The following IGSF9B variants were observed in gnomAD, a reference collection of about 807,000 sequenced individuals.
IGSF9B encodes protein turtle homolog B.
In IGSF9B, 48 loss-of-function variants were observed where a neutral mutation model predicts 143.7. The ratio of observed to expected loss-of-function variants is 0.33; its 90% CI spans 0.26 to 0.42. IGSF9B has a LOEUF of 0.42. IGSF9B is among the 20% of genes least tolerant of loss of function. The probability of loss-of-function intolerance (pLI) is 1.00; values close to 1 mark genes in which losing one functional copy is unlikely to be tolerated. For missense variants in IGSF9B, 1,706 were observed against 1,980.0 expected, an observed-to-expected ratio of 0.86 and a Z score of 2.63; for synonymous variants, 903 against 833.1, an observed-to-expected ratio of 1.08 and a Z score of -1.44.
In IGSF9B at chr11:133,901,399, G is replaced by T. The variant is rs1241231230; in HGVS notation, c.*7670C>A. 6.6e-6 allele frequency: 1 copy of T among 152,082 alleles called. No individual in the cohort carries two copies. Among genetic ancestry groups the T allele is most frequent in the African/African-American group, 2.4e-5 (1 of 41,376 alleles). 9.4% of individuals were successfully genotyped at this position (152,082 alleles called of 1,614,324 possible). A position where few individuals can be genotyped will look rare whatever the true frequency, so the allele number is the denominator to read the frequency against. ...ATAAAGCAAACTATGACTTCATATA[G>T]ATATAGAGATATATAGACTTTATCT... On this transcript the variant is annotated 3_prime_UTR_variant, in exon 20 of 20. Coordinates refer to ENST00000533871, the MANE Select transcript of IGSF9B (RefSeq NM_001277285.4).
At chr11:133,935,466 T>C in intron 7 of IGSF9B, 151 bp downstream of exon 7, 1 of 981,700 alleles carries the variant, frequency 1.0e-6, no homozygotes, top group Non-Finnish European at 1.5e-6. Context: ...CGGCCTCCTC[T>C]CCAGCCATCC....
Position 133,908,856 on chromosome 11 carries a change from C to T in IGSF9B, c.*213G>A, listed in dbSNP as rs1048626706. ...GCCCAGTCTCCAATCCACTTCCTGA[C>T]CTCGACCCACAGGTGGAAGGTGTGC... On this transcript the variant is annotated 3_prime_UTR_variant, in exon 20 of 20. Coordinates refer to ENST00000533871, the MANE Select transcript of IGSF9B (RefSeq NM_001277285.4). 2.0e-5 allele frequency: 11 copies of T among 553,988 alleles called. No individual in the cohort carries two copies. Among genetic ancestry groups the T allele is most frequent in the African/African-American group, 1.7e-4 (9 of 53,306 alleles). The allele number at this position is 553,988 out of a possible 1,614,324, so 34.3% of individuals were successfully genotyped here.
intron 14 of IGSF9B, 24 bp from the exon 15 acceptor site, chr11:133,924,928 A>T: frequency 6.2e-7 from 1 of 1,605,620 alleles, no homozygotes; most frequent in Non-Finnish European, 8.5e-7. Flanking sequence ...GACAATACCC[A>T]GTCAGCCGAG....
rs2121245225 is a variant in IGSF9B at position 133,897,725 on chromosome 11, T to C, written c.*11344A>G. ...AAAAAAAAGCTTACTGAAAAAATAG[T>C]GGTTTTATTTACTTTTGAGTTACAT... On this transcript the variant is annotated 3_prime_UTR_variant, in exon 20 of 20. Transcript: ENST00000533871. The C allele has an allele frequency of 6.6e-6, 1 of 152,300 alleles. No homozygotes were observed. The highest frequency in any genetic ancestry group is 6.5e-5 in the Admixed American group (1 of 15,306). 9.4% of individuals were successfully genotyped at this position (152,300 alleles called of 1,614,324 possible). A position where few individuals can be genotyped will look rare whatever the true frequency, so the allele number is the denominator to read the frequency against.
chr11:133,919,682 G>T, intron 18 of IGSF9B, 60 bp downstream of exon 18: 1 of 1,108,884 alleles, frequency 9.0e-7, no homozygotes, highest in Non-Finnish European at 1.2e-6. Context: ...AGGGCAGGGC[G>T]AGGCGGGTGG....
At chr11:133,929,530 CCA>C (rs1939685596) in intron 12 of IGSF9B, 139 bp downstream of exon 12, 4 of 629,978 alleles carry the variant, frequency 6.3e-6, no homozygotes, top group Non-Finnish European at 1.2e-5. Context: ...CTGTCTCAAC[CCA>C]CCTCAGTCTG....
intron 15 of IGSF9B, 62 bp from the exon 16 acceptor site, chr11:133,922,792 C>A: frequency 1.4e-6 from 2 of 1,434,722 alleles, no homozygotes; most frequent in Non-Finnish European, 1.9e-6. Context: ...CCTGCTCCGA[C>A]CTTCAGTCCC....
At chr11:133,939,678 G>A (rs1255070409) in intron 3 of IGSF9B, among the ~76,000 whole-genome samples, 5 of 152,268 alleles carry the variant, frequency 3.3e-5, no homozygotes, top group Admixed American at 6.5e-5. Context: ...AGGGGCGCAC[G>A]GAGGGTGGCC....
At chr11:133,941,076 A>G (rs1345936200) in intron 3 of IGSF9B, among the ~76,000 whole-genome samples, 1 of 152,254 alleles carries the variant, frequency 6.6e-6, no homozygotes, top group East Asian at 1.9e-4. Context: ...TACTAATTAC[A>G]TAATTACTTT....
In IGSF9B at chr11:133,955,829, A is replaced by G. The variant is rs1231463387; in HGVS notation, c.64+862T>C. Among the ~76,000 whole-genome samples, 6 of 152,102 alleles carry G rather than the reference A, an allele frequency of 3.9e-5. No individual in the cohort carries two copies. The East Asian group carries it at 1.2e-3, about 30-fold the overall frequency. On this transcript the variant is annotated intron_variant, in intron 1 of 19. Coordinates refer to ENST00000533871, the MANE Select transcript of IGSF9B (RefSeq NM_001277285.4). Reference sequence around the variant, plus strand: ...CTTGCGTCTCCCCCAGCTCAGACCCAGGAAAGCGGAAAGAGAAAATCCCCC... The same window carrying G: ...CTTGCGTCTCCCCCAGCTCAGACCCGGGAAAGCGGAAAGAGAAAATCCCCC...
At position 133,956,674 on chromosome 11, in the gene IGSF9B, G is replaced by T. The variant is rs1463768121; in HGVS notation, c.64+17C>A. 12 of 1,524,046 alleles carry T rather than the reference G, an allele frequency of 7.9e-6. No homozygotes were observed. Among genetic ancestry groups the T allele is most frequent in the Non-Finnish European group, 9.7e-6 (11 of 1,132,334 alleles). 94.4% of individuals were successfully genotyped at this position (1,524,046 alleles called of 1,614,324 possible). The stretch of plus-strand genomic sequence containing the variant: ...GCGCCGGGAGGGGCAGGGGAGGGAC[G>T]CCGCACTTCAACTCACCTTCAGCCG... On this transcript the variant is annotated intron_variant, in intron 1 of 19. Transcript: ENST00000533871.
In IGSF9B at chr11:133,902,454, CCACA is replaced by C. The variant is rs773478053; in HGVS notation, c.*6611_*6614del. Among the ~76,000 whole-genome samples, 2 of 149,248 alleles carry C rather than the reference CCACA, an allele frequency of 1.3e-5. No individual in the cohort carries two copies. The highest frequency in any genetic ancestry group is 2.0e-4 in the East Asian group (1 of 5,018). ...ACACCACACACACCACCCAGACACA[CCACA>C]CACAGATACACACACCACACACAAC... On this transcript the variant is annotated 3_prime_UTR_variant, in exon 20 of 20. Coordinates refer to ENST00000533871, the MANE Select transcript of IGSF9B (RefSeq NM_001277285.4).
intron 1 of IGSF9B, among the ~76,000 whole-genome samples, chr11:133,954,594 G>A (rs1256589660): frequency 3.9e-5 from 6 of 152,266 alleles, no homozygotes; most frequent in African/African-American, 1.4e-4. Flanking sequence ...TAACACTCAT[G>A]TCCACCTAAA....
chr11:133,922,288 G>T, intron 16 of IGSF9B, 66 bp from the exon 17 acceptor site: 2 of 1,420,924 alleles, frequency 1.4e-6, no homozygotes, highest in Non-Finnish European at 2.0e-6. Context: ...ACGCGCATCT[G>T]CAGAGGCTGA....
intron 14 of IGSF9B, 75 bp from the exon 15 acceptor site, chr11:133,924,979 C>T: frequency 7.8e-7 from 1 of 1,274,790 alleles, no homozygotes; most frequent in South Asian, 1.2e-5. Context: ...ACTCATCCTG[C>T]ACACAGCCTT....
At position 133,928,686 on chromosome 11, in the gene IGSF9B, G is replaced by A. The variant is rs1267499436; in HGVS notation, c.1631+985C>T. On this transcript the variant is annotated intron_variant, in intron 12 of 19. Coordinates refer to ENST00000533871, the MANE Select transcript of IGSF9B (RefSeq NM_001277285.4). This position sits in a 1 kb window ranked among gnomAD's most constrained non-coding sequence, Gnocchi z 4.7. Reference sequence around the variant, plus strand: ...CTGCCACTCTTACTCAAACAGGAGTGTAGGGAGGGGCAGCCCTTGGGGGTG... The same window carrying A: ...CTGCCACTCTTACTCAAACAGGAGTATAGGGAGGGGCAGCCCTTGGGGGTG... 6.6e-6 allele frequency among the ~76,000 whole-genome samples: 1 copy of A among 152,200 alleles called. No homozygotes were observed. Among genetic ancestry groups the A allele is most frequent in the Admixed American group, 6.5e-5 (1 of 15,282 alleles).
intron 18 of IGSF9B, among the ~76,000 whole-genome samples, chr11:133,917,132 C>G (rs1435306683): frequency 6.6e-6 from 1 of 152,194 alleles, no homozygotes; most frequent in Non-Finnish European, 1.5e-5. Context: ...CTCCTTCTCG[C>G]CTGGAAAGCC....
In IGSF9B at chr11:133,929,747, G is replaced by C. The variant is rs745391066; in HGVS notation, c.1555C>G (p.Gln519Glu). Reference sequence around the variant, plus strand: ...ACGTTGGCAGTTGTCATGGAGACCTGGACCCGGACACTGCCCGGGGCATGG... The same window carrying C: ...ACGTTGGCAGTTGTCATGGAGACCTCGACCCGGACACTGCCCGGGGCATGG... ...SPHAPGSVRV[Q>E]VSMTTANVSW... Residue 519 changes from glutamine (Q) to glutamate (E), a missense_variant, in exon 12 of 20, where the codon CAG becomes GAG. Coordinates refer to ENST00000533871, the MANE Select transcript of IGSF9B (RefSeq NM_001277285.4). 6.8e-6 allele frequency: 11 copies of C among 1,613,880 alleles called. No homozygotes were observed. The South Asian group carries it at 1.2e-4, about 18-fold the overall frequency.
intron 1 of IGSF9B, among the ~76,000 whole-genome samples, chr11:133,954,493 G>A (rs148938538): frequency 3.9e-5 from 6 of 152,216 alleles, no homozygotes; most frequent in Non-Finnish European, 5.9e-5. Flanking sequence ...AAGAAATTGA[G>A]GAGGATCTTG....
Sources: allele counts gnomAD v4.1 joint callset (sites outside exome capture counted in the v4.1 genomes callset), GRCh38; gene constraint gnomAD v4.1.1; non-coding constraint Gnocchi (gnomAD v3.1); transcripts MANE v1.5; gene names NCBI Gene and HGNC (gene_info 2026-07-23, HGNC 2026-07-21).